Variants in HS6ST1 observed in about 807,000 individuals in gnomAD.
HS6ST1 encodes the protein heparan-sulfate 6-O-sulfotransferase 1.
A neutral mutation model predicts 25.2 loss-of-function variants in HS6ST1; 3 were observed. The observed-to-expected ratio is 0.12, with a 90% CI of 0.05 to 0.31. The LOEUF is 0.31. HS6ST1 is among the 10% of genes least tolerant of loss of function. HS6ST1 has a pLI of 1.00. For missense variants in HS6ST1, 310 were observed against 609.6 expected, an observed-to-expected ratio of 0.51 and a Z score of 5.18; for synonymous variants, 204 against 275.1, an observed-to-expected ratio of 0.74 and a Z score of 2.56.
chr2:128,300,233 T>C (rs984503710), intron 1 of HS6ST1, among the ~76,000 whole-genome samples: 15 of 152,304 alleles, frequency 9.8e-5, no homozygotes, highest in African/African-American at 3.6e-4. Flanking sequence ...GACGAGGCTG[T>C]GCAGGAGGCC....
intron 1 of HS6ST1, among the ~76,000 whole-genome samples, chr2:128,314,970 C>T (rs912072529): frequency 4.9e-4 from 75 of 152,346 alleles, no homozygotes; most frequent in African/African-American, 1.8e-3. Context: ...GGAGCACCAT[C>T]TGGACCCTCT....
At chr2:128,300,098 C>T (rs1694100935) in intron 1 of HS6ST1, among the ~76,000 whole-genome samples, 1 of 152,174 alleles carries the variant, frequency 6.6e-6, no homozygotes, top group Non-Finnish European at 1.5e-5. Flanking sequence ...AACCAAGGAC[C>T]CCAGCGGCTT....
At chr2:128,314,786 C>T (rs861461) in intron 1 of HS6ST1, among the ~76,000 whole-genome samples, 34 of 152,082 alleles carry the variant, frequency 2.2e-4, no homozygotes, top group Admixed American at 1.3e-4. Context: ...CCCGGGTTCC[C>T]GGCCAAGGTG....
At chr2:128,290,800 C>T (rs13393462) in intron 1 of HS6ST1, among the ~76,000 whole-genome samples, 13,920 of 134,546 alleles carry the variant, frequency 0.1, 790 homozygotes, top group African/African-American at 0.16. Flanking sequence ...GGCGAAACAC[C>T]GTCTCTACTA....
chr2:128,302,753 T>C (rs1449984933), intron 1 of HS6ST1, among the ~76,000 whole-genome samples: 1 of 152,160 alleles, frequency 6.6e-6, no homozygotes, highest in Non-Finnish European at 1.5e-5. Context: ...GGTCTCCCAT[T>C]GTGGCTAGGT....
At chr2:128,307,549 G>A (rs756847319) in intron 1 of HS6ST1, among the ~76,000 whole-genome samples, 5 of 152,196 alleles carry the variant, frequency 3.3e-5, no homozygotes. Flanking sequence ...CTGGCACCAG[G>A]ACACATAAAG....
chr2:128,308,779 G>C (rs1411553191), intron 1 of HS6ST1, among the ~76,000 whole-genome samples: 1 of 152,234 alleles, frequency 6.6e-6, no homozygotes, highest in African/African-American at 2.4e-5. Flanking sequence ...TGATGTCCCA[G>C]ATAACAGGAC....
chr2:128,282,336 C>T (rs547833630), intron 1 of HS6ST1, among the ~76,000 whole-genome samples: 10 of 152,320 alleles, frequency 6.6e-5, no homozygotes, highest in African/African-American at 2.4e-4. Context: ...GGGACAGAGC[C>T]GAAGCCCTGG....
chr2:128,290,217 A>C (rs1251571226), intron 1 of HS6ST1: 2 of 152,194 alleles, frequency 1.3e-5, no homozygotes, highest in African/African-American at 4.8e-5. Context: ...TTTCAAGATA[A>C]AAAGTTAGGG....
intron 1 of HS6ST1, among the ~76,000 whole-genome samples, chr2:128,269,406 A>C (rs1198010259): frequency 6.6e-6 from 1 of 152,030 alleles, no homozygotes; most frequent in African/African-American, 2.4e-5. Context: ...CGTATACACC[A>C]ACTCTACTTG....
chr2:128,281,337 C>T (rs79744890), intron 1 of HS6ST1, among the ~76,000 whole-genome samples: 1 of 152,198 alleles, frequency 6.6e-6, no homozygotes, highest in African/African-American at 2.4e-5. Flanking sequence ...CCAGGTGGTA[C>T]AGGGCTCTGT....
chr2:128,305,611 T>A (rs1043126472), intron 1 of HS6ST1, among the ~76,000 whole-genome samples: 1 of 152,180 alleles, frequency 6.6e-6, no homozygotes, highest in Admixed American at 6.5e-5. Context: ...TGGAACCCAC[T>A]CTCACTCTGG....
chr2:128,314,994 G>C lies in HS6ST1; in HGVS notation c.527+3043C>G, dbSNP rs575385140. ...TCTGGACCCTCTGAGTGACAGCGGA[G>C]TGTGGGGTGCTGAGACATTCTAACC... On this transcript the variant is annotated intron_variant, in intron 1 of 1. Transcript: ENST00000259241. 6.6e-5 allele frequency among the ~76,000 whole-genome samples: 10 copies of C among 152,352 alleles called. No homozygotes were observed. In the South Asian group the frequency reaches 2.1e-3, roughly 32 times the overall value.
At chr2:128,272,925 T>C (rs1357836741) in intron 1 of HS6ST1, among the ~76,000 whole-genome samples, 1 of 152,088 alleles carries the variant, frequency 6.6e-6, no homozygotes, top group Non-Finnish European at 1.5e-5. Flanking sequence ...ACAGGAGGTC[T>C]AGCAGGCACC....
intron 1 of HS6ST1, among the ~76,000 whole-genome samples, chr2:128,278,560 T>C (rs1476470361): frequency 6.6e-6 from 1 of 152,100 alleles, no homozygotes; most frequent in Non-Finnish European, 1.5e-5. Flanking sequence ...GTCATGGCCA[T>C]GCAGGCGGAG....
chr2:128,276,015 C>A (rs569409877), intron 1 of HS6ST1, among the ~76,000 whole-genome samples: 1 of 152,154 alleles, frequency 6.6e-6, no homozygotes, highest in African/African-American at 2.4e-5. Flanking sequence ...GGAAAGGTGA[C>A]GAAGAAGGCA....
At chr2:128,270,700 G>A (rs562776543) in intron 1 of HS6ST1, among the ~76,000 whole-genome samples, 38 of 152,292 alleles carry the variant, frequency 2.5e-4, no homozygotes, top group African/African-American at 9.1e-4. Context: ...AGGGCCGCAT[G>A]GACCTCCGCT....
At chr2:128,270,036 C>T (rs1241465220) in intron 1 of HS6ST1, among the ~76,000 whole-genome samples, 1 of 152,194 alleles carries the variant, frequency 6.6e-6, no homozygotes, top group African/African-American at 2.4e-5. Context: ...GGTGCCACTG[C>T]AGGCCACCCC....
chr2:128,299,452 A>T lies in HS6ST1; in HGVS notation c.527+18585T>A, dbSNP rs8179774. Among the ~76,000 whole-genome samples, 1,010 of 152,178 alleles carry T rather than the reference A, an allele frequency of 6.6e-3. 10 individuals are homozygous for T. The highest frequency in any genetic ancestry group is 0.023 in the African/African-American group (965 of 41,526). On this transcript the variant is annotated intron_variant, in intron 1 of 1. Coordinates refer to ENST00000259241, the MANE Select transcript of HS6ST1 (RefSeq NM_004807.3). ...CCAGTCTCAGTGTGACATGTGGGGA[A>T]ACTGAGTGGATGGCAGGTCATGCCC...
Sources: allele counts gnomAD v4.1 joint callset (sites outside exome capture counted in the v4.1 genomes callset), GRCh38; gene constraint gnomAD v4.1.1; transcripts MANE v1.5; gene names NCBI Gene and HGNC (gene_info 2026-07-23, HGNC 2026-07-21).